The following MAP3K19 variants were observed in gnomAD, a reference collection of about 807,000 sequenced individuals.
The protein encoded by MAP3K19 is mitogen-activated protein kinase kinase kinase 19, also known as SPS1/STE20-related protein kinase YSK4.
A neutral mutation model predicts 114.4 loss-of-function variants in MAP3K19; 91 were observed. The observed-to-expected ratio is 0.80, with a 90% CI of 0.67 to 0.95. MAP3K19 has a LOEUF of 0.95. Ranked by LOEUF, MAP3K19 falls within the 40% of genes least tolerant of loss-of-function variation. The pLI is 0.00. For synonymous variants in MAP3K19, 518 were observed against 530.5 expected (o/e 0.98, Z 0.32); for missense variants, 1,471 against 1,573.2 (o/e 0.94, Z 1.10).
At chr2:134,978,289 G>A (rs116206737) in intron 12 of MAP3K19, among the ~76,000 whole-genome samples, 1,559 of 151,542 alleles carry the variant, frequency 0.01, 29 homozygotes, top group African/African-American at 0.036. Flanking sequence ...GGGGTCAAGC[G>A]ATCCTCTCAT....
At chr2:134,979,555 G>A (rs1025511314) in intron 12 of MAP3K19, among the ~76,000 whole-genome samples, 14 of 150,886 alleles carry the variant, frequency 9.3e-5, no homozygotes, top group African/African-American at 2.4e-4. Context: ...TGTTAAATTC[G>A]GAACAAAGCA....
chr2:135,025,745 G>C (rs1289919763), intron 3 of MAP3K19, among the ~76,000 whole-genome samples: 2 of 152,246 alleles, frequency 1.3e-5, no homozygotes, highest in East Asian at 3.9e-4. Context: ...CCAACTGGCT[G>C]ATCTTAGGAC....
Position 134,986,937 on chromosome 2 carries a change from C to A in MAP3K19, c.1935G>T (p.Lys645Asn). ...TGATTTCTTTGAACATATCACTATA[C>A]TTAAGATCTAGGTAATTTAGTCTTG... ...TEPRLNYLDL[K>N]YSDMFKEINS... The change falls in exon 10 of 13, where the codon AAG (lysine) becomes AAT (asparagine). Residue 645 changes from lysine (K) to asparagine (N), a missense_variant. Physicochemically the swap from Lys to Asn is moderately conservative, Grantham distance 94. Coordinates refer to ENST00000392915, the MANE Select transcript of MAP3K19 (RefSeq NM_025052.5). The A allele has an allele frequency of 6.2e-7, 1 of 1,614,128 alleles. No homozygotes were observed. The highest frequency in any genetic ancestry group is 8.5e-7 in the Non-Finnish European group (1 of 1,180,040).
intron 12 of MAP3K19, among the ~76,000 whole-genome samples, chr2:134,970,439 A>G (rs76822830): frequency 0.31 from 46,569 of 151,782 alleles, 8,106 homozygotes; most frequent in Middle Eastern, 0.62. Context: ...AAACACAACA[A>G]ATTTTCGTAT....
chr2:134,981,497 G>A lies in MAP3K19; in HGVS notation c.3244C>T (p.Gln1082Ter), dbSNP rs1299948759. Residue 1082 changes from glutamine to a stop codon, truncating the protein, a stop_gained, in exon 12 of 13, where the codon CAA (glutamine) becomes TAA (stop). Coordinates refer to ENST00000392915, the MANE Select transcript of MAP3K19 (RefSeq NM_025052.5). LOFTEE classifies it high-confidence loss of function. ...TGTTTTACAGCTATTAGCTGTCCTTGACTAGTGAGACCACAGTATACCTAG... is the reference window on the plus strand; with the variant it reads ...TGTTTTACAGCTATTAGCTGTCCTTAACTAGTGAGACCACAGTATACCTAG... ...YGTVYCGLTS[Q>*]GQLIAVKQVA... 2.5e-6 allele frequency: 4 copies of A among 1,613,292 alleles called. No homozygotes were observed. Among genetic ancestry groups the A allele is most frequent in the Middle Eastern group, 1.7e-4 (1 of 6,058 alleles).
At chr2:135,024,445 G>A (rs1475679449) in intron 4 of MAP3K19, among the ~76,000 whole-genome samples, 181 bp downstream of exon 4, 1 of 152,162 alleles carries the variant, frequency 6.6e-6, no homozygotes, top group Non-Finnish European at 1.5e-5. Flanking sequence ...TAAACCTTGC[G>A]TTAGACTTCT....
chr2:135,004,213 C>A (rs1456406989), intron 6 of MAP3K19, among the ~76,000 whole-genome samples: 1 of 152,200 alleles, frequency 6.6e-6, no homozygotes, highest in Admixed American at 6.5e-5. Context: ...GTGCTTGGGA[C>A]ACCATTAGGC....
intron 8 of MAP3K19, among the ~76,000 whole-genome samples, chr2:134,995,855 A>T (rs928289325): frequency 6.6e-6 from 1 of 152,210 alleles, no homozygotes; most frequent in Non-Finnish European, 1.5e-5. Context: ...ATCTTAATAG[A>T]TGAAGCCCAA....
rs1400609408 is a variant in MAP3K19 at position 134,987,219 on chromosome 2, A to G, written c.1653T>C (p.Asn551=). Residue 551 remains asparagine (N), a synonymous_variant, in exon 10 of 13, where the codon AAT becomes AAC. Coordinates refer to ENST00000392915, the MANE Select transcript of MAP3K19 (RefSeq NM_025052.5). ...TGGGACCTTCAGTAGAAATCACAAA[A>G]TTCTGAGGTGTCTTCTTACTTGTCT... ...KTKTSKKTPQ[N]FVISTEGPIK... is the part of the protein sequence containing the mutation. The G allele has an allele frequency of 1.2e-6, 2 of 1,614,026 alleles. No individual in the cohort carries two copies. The highest frequency in any genetic ancestry group is 1.3e-5 in the African/African-American group (1 of 74,910).
chr2:134,986,992 CA>C lies in MAP3K19; in HGVS notation c.1879del (p.Cys627ValfsTer13), dbSNP rs1229551940. ...ICKNPGTQKS[C>X]VPLSVQPTEP... ...TGTCGGTTGAACAGAGAGAGGAACA[CA>C]TGACTTCTGTGTTCCTGGATTTTTA... On this transcript the variant is annotated frameshift_variant, in exon 10 of 13. Transcript: ENST00000392915. LOFTEE classifies it high-confidence loss of function. 3.1e-6 allele frequency: 5 copies of C among 1,613,644 alleles called. No individual in the cohort carries two copies. Among genetic ancestry groups the C allele is most frequent in the Non-Finnish European group, 4.2e-6 (5 of 1,180,036 alleles).
At position 134,987,045 on chromosome 2, in the gene MAP3K19, A is replaced by C; in HGVS notation, c.1827T>G (p.Pro609=). 2 of 1,612,976 alleles carry C rather than the reference A, an allele frequency of 1.2e-6. No homozygotes were observed. The highest frequency in any genetic ancestry group is 4.5e-5 in the East Asian group (2 of 44,884). Residue 609 remains proline, a synonymous_variant, in exon 10 of 13, where the codon CCT becomes CCG. Coordinates refer to ENST00000392915, the MANE Select transcript of MAP3K19 (RefSeq NM_025052.5). The part of the protein sequence containing the change: ...KKQSTHRTQK[P]KKQSFPCICK... ...AGATGCAAGGAAATGATTGCTTTTT[A>C]GGTTTCTGAGTCCGGTGAGTTGATT...
Position 134,986,779 on chromosome 2 carries a change from G to A in MAP3K19, c.2093C>T (p.Thr698Ile). The change falls in exon 10 of 13, where the codon ACC becomes ATC. Residue 698 changes from threonine (T) to isoleucine (I), a missense_variant. Transcript: ENST00000392915. ...ICSAPSGRRI[T>I]NKCRSSHSER... Reference sequence around the variant, plus strand: ...ACTGTGTGAAGATCGACATTTATTGGTGATACGTCTGCCTGATGGAGCCGA... The same window carrying A: ...ACTGTGTGAAGATCGACATTTATTGATGATACGTCTGCCTGATGGAGCCGA... 1 of 1,614,086 alleles carries A rather than the reference G, an allele frequency of 6.2e-7. No individual in the cohort carries two copies. The highest frequency in any genetic ancestry group is 1.1e-5 in the South Asian group (1 of 91,068).
chr2:135,021,125 T>A (rs1687943616), intron 5 of MAP3K19, among the ~76,000 whole-genome samples: 1 of 151,870 alleles, frequency 6.6e-6, no homozygotes, highest in African/African-American at 2.4e-5. Flanking sequence ...AGTAAAGAAC[T>A]GAATATTTGT....
intron 8 of MAP3K19, among the ~76,000 whole-genome samples, chr2:134,998,530 C>CA (rs1649489780): frequency 6.6e-6 from 1 of 152,184 alleles, no homozygotes; most frequent in Non-Finnish European, 1.5e-5. Flanking sequence ...TCTGCTGGAA[C>CA]ATTATGCCAT....
chr2:134,985,681 G>GA (rs1685041812), intron 10 of MAP3K19, 119 bp downstream of exon 10: 1 of 937,458 alleles, frequency 1.1e-6, no homozygotes, highest in African/African-American at 1.7e-5. Context: ...GTGAGACCTT[G>GA]AAAAAACTAT....
chr2:134,978,695 T>C (rs1269859919), intron 12 of MAP3K19, among the ~76,000 whole-genome samples: 1 of 152,210 alleles, frequency 6.6e-6, no homozygotes, highest in Non-Finnish European at 1.5e-5. Flanking sequence ...TTACCAAGTC[T>C]TGATTCACCT....
At position 134,986,416 on chromosome 2, in the gene MAP3K19, G is replaced by A. The variant is rs1553538602; in HGVS notation, c.2456C>T (p.Thr819Ile). 6.2e-7 allele frequency: 1 copy of A among 1,613,916 alleles called. No individual in the cohort carries two copies. Among genetic ancestry groups the A allele is most frequent in the Non-Finnish European group, 8.5e-7 (1 of 1,180,030 alleles). ...ATTGTTAGAAATGTCTCTATCACCAGTAGACTCTTCCATAGAAACTTCTTC... is the reference window on the plus strand; with the variant it reads ...ATTGTTAGAAATGTCTCTATCACCAATAGACTCTTCCATAGAAACTTCTTC... ...IVEEVSMEES[T>I]GDRDISNNQI... The change falls in exon 10 of 13, where the codon ACT becomes ATT. Residue 819 changes from threonine to isoleucine, a missense_variant. Transcript: ENST00000392915.
Position 135,005,495 on chromosome 2 carries a change from G to T in MAP3K19, c.175C>A (p.Leu59Met). 6.2e-7 allele frequency: 1 copy of T among 1,614,078 alleles called. No individual in the cohort carries two copies. Among genetic ancestry groups the T allele is most frequent in the East Asian group, 2.2e-5 (1 of 44,878 alleles). The change falls in exon 6 of 13, where the codon CTG (leucine) becomes ATG (methionine). Residue 59 changes from leucine to methionine, a missense_variant. Physicochemically the swap from Leu to Met is conservative, Grantham distance 15 (BLOSUM62 2). Coordinates refer to ENST00000392915, the MANE Select transcript of MAP3K19 (RefSeq NM_025052.5). ...CTGGGATCTTCTTCTTCATTAACCA[G>T]TGTGGAATGACTGCAGTCACCATCT... ...DQDGDCSHST[L>M]VNEEEDPSGG...
intron 6 of MAP3K19, among the ~76,000 whole-genome samples, chr2:135,002,534 G>A (rs1366141731): frequency 2.6e-5 from 4 of 151,754 alleles, no homozygotes; most frequent in Non-Finnish European, 4.4e-5. Flanking sequence ...TCTGGATTGC[G>A]AGCATGGAGG....
Sources: allele counts gnomAD v4.1 joint callset (sites outside exome capture counted in the v4.1 genomes callset), GRCh38; gene constraint gnomAD v4.1.1; transcripts MANE v1.5; gene names NCBI Gene and HGNC (gene_info 2026-07-23, HGNC 2026-07-21).